The following PTPRQ variants were observed in gnomAD, a reference collection of about 807,000 sequenced individuals.
The protein encoded by PTPRQ is protein tyrosine phosphatase receptor type Q.
PTPRQ carries 199 observed loss-of-function variants against 246.0 expected under a neutral mutation model. The ratio of observed to expected loss-of-function variants is 0.81; its 90% confidence interval spans 0.72 to 0.91. The LOEUF is 0.91. Among genes scored for constraint, PTPRQ ranks in the 40% least tolerant of loss-of-function variants. PTPRQ has a pLI of 0.00. For synonymous variants in PTPRQ, 869 were observed against 853.2 expected (o/e 1.02, Z -0.32); for missense variants, 2,624 against 2,528.4 (o/e 1.04, Z -0.81).
chr12:80,610,607 G>A lies in PTPRQ; in HGVS notation c.4900G>A (p.Val1634Ile). 1 of 1,542,496 alleles carries A rather than the reference G, an allele frequency of 6.5e-7. No homozygotes were observed. Among genetic ancestry groups the A allele is most frequent in the Non-Finnish European group, 8.8e-7 (1 of 1,140,792 alleles). The change falls in exon 28 of 45, where the codon GTT becomes ATT. Residue 1634 changes from valine to isoleucine, a missense_variant. Transcript: ENST00000644991. ...VEGKSSAEMI[V>I]TTLESAPKDP... ...AGGGAAGTCAAGTGCTGAAATGATT[G>A]TTACTACTTTAGAATCAGGTAAGGA...
intron 17 of PTPRQ, chr12:80,512,701 C>T (rs976182962): frequency 2.0e-5 from 3 of 152,220 alleles, no homozygotes; most frequent in African/African-American, 4.8e-5. Context: ...ATTCATTTCT[C>T]ATTCCCTCTG....
Position 80,678,868 on chromosome 12 carries a change from T to C in PTPRQ, c.6863-118T>C, listed in dbSNP as rs549940517. The C allele has an allele frequency of 6.9e-6, 9 of 1,299,752 alleles. 1 individual carries two copies. In the South Asian group the frequency reaches 2.0e-4, roughly 28 times the overall value. 80.5% of individuals were successfully genotyped at this position (1,299,752 alleles called of 1,614,324 possible). On this transcript the variant is annotated intron_variant, in intron 44 of 44. Coordinates refer to ENST00000644991, the MANE Select transcript of PTPRQ (RefSeq NM_001145026.2). The stretch of plus-strand genomic sequence containing the variant: ...AGGTTTTTTTTCTTTAACTTTTCTC[T>C]AATCCAAGTTGGGCTAATAATACCC...
At chr12:80,508,332 G>T (rs1318376133) in intron 16 of PTPRQ, among the ~76,000 whole-genome samples, 1 of 152,020 alleles carries the variant, frequency 6.6e-6, no homozygotes, top group African/African-American at 2.4e-5. Flanking sequence ...CAAATGTGTG[G>T]ACAAATAATT....
chr12:80,589,060 T>C (rs974399266), intron 26 of PTPRQ, among the ~76,000 whole-genome samples: 6 of 152,224 alleles, frequency 3.9e-5, no homozygotes, highest in African/African-American at 1.4e-4. Flanking sequence ...TTCAGGACTT[T>C]AAGTGCTTTT....
At chr12:80,453,550 G>C (rs34942782) in intron 3 of PTPRQ, among the ~76,000 whole-genome samples, 58,299 of 129,110 alleles carry the variant, frequency 0.45, 15,713 homozygotes, top group South Asian at 0.62. Flanking sequence ...TTTTGGTGTG[G>C]ATGTCCTTTC....
At chr12:80,649,487 T>G in intron 36 of PTPRQ, 101 bp from the exon 37 acceptor site, 1 of 1,393,752 alleles carries the variant, frequency 7.2e-7, no homozygotes, top group Non-Finnish European at 9.4e-7. Flanking sequence ...TTTGGGGATG[T>G]CCATTGTTCT....
intron 38 of PTPRQ, among the ~76,000 whole-genome samples, chr12:80,653,634 A>C (rs575723657): frequency 2.0e-5 from 3 of 152,148 alleles, no homozygotes; most frequent in Non-Finnish European, 4.4e-5. Flanking sequence ...TTTCAAATGT[A>C]TATTGGGGGA....
intron 35 of PTPRQ, among the ~76,000 whole-genome samples, chr12:80,640,383 T>G (rs7959956): frequency 0.088 from 13,416 of 152,244 alleles, 811 homozygotes; most frequent in South Asian, 0.19. Flanking sequence ...ACAAATTCTG[T>G]TCATATATTT....
chr12:80,633,198 C>G (rs1348380412), intron 34 of PTPRQ, among the ~76,000 whole-genome samples: 2 of 152,194 alleles, frequency 1.3e-5, no homozygotes, highest in African/African-American at 4.8e-5. Context: ...AGGCCACCTA[C>G]ATCTTTTAAA....
At chr12:80,594,864 C>T (rs1592697671) in intron 26 of PTPRQ, among the ~76,000 whole-genome samples, 2 of 152,166 alleles carry the variant, frequency 1.3e-5, no homozygotes, top group Admixed American at 6.5e-5. Flanking sequence ...TCTTTCTGCT[C>T]TCATTTTCTA....
At chr12:80,596,314 A>C (rs531444061) in intron 26 of PTPRQ, among the ~76,000 whole-genome samples, 31 of 152,124 alleles carry the variant, frequency 2.0e-4, no homozygotes, top group African/African-American at 7.5e-4. Flanking sequence ...AATATTCTAG[A>C]ATTTAAATAA....
rs1198021696 is a variant in PTPRQ at position 80,467,054 on chromosome 12, A to G, written c.911-1656A>G. ...CGTCTGCATAGCAAAAGAAACTACC[A>G]TCAGAGTGAACAGGCAACCTTCAGA... On this transcript the variant is annotated intron_variant, in intron 6 of 44. Transcript: ENST00000644991. Among the ~76,000 whole-genome samples the G allele has an allele frequency of 2.0e-5, 3 of 152,226 alleles. No individual in the cohort carries two copies. The East Asian group carries it at 5.8e-4, about 29-fold the overall frequency.
At chr12:80,653,788 C>T (rs1411026244) in intron 38 of PTPRQ, among the ~76,000 whole-genome samples, 1 of 152,030 alleles carries the variant, frequency 6.6e-6, no homozygotes, top group Non-Finnish European at 1.5e-5. Flanking sequence ...TAGGGAATAA[C>T]TTATGAAGTT....
intron 33 of PTPRQ, among the ~76,000 whole-genome samples, chr12:80,630,872 A>G (rs1397489150): frequency 2.6e-5 from 4 of 151,946 alleles, no homozygotes; most frequent in African/African-American, 9.7e-5. Context: ...GCCTGCCACC[A>G]CGCCCAGCTA....
intron 24 of PTPRQ, chr12:80,546,978 C>T (rs774252631): frequency 2.4e-5 from 6 of 249,266 alleles, no homozygotes; most frequent in Non-Finnish European, 3.7e-5. Context: ...GTGAAAATTA[C>T]CTAATTCTTA....
At position 80,570,979 on chromosome 12, in the gene PTPRQ, T is replaced by C. The variant is rs558356342; in HGVS notation, c.4286-17150T>C. ...GGTACCAGTACCATGCTGTTTTGGT[T>C]ACTGTAGCCTTGTAATATAGTTTGA... On this transcript the variant is annotated intron_variant, in intron 25 of 44. Coordinates refer to ENST00000644991, the MANE Select transcript of PTPRQ (RefSeq NM_001145026.2). 2.0e-5 allele frequency among the ~76,000 whole-genome samples: 3 copies of C among 152,324 alleles called. No homozygotes were observed. The East Asian group carries it at 5.8e-4, about 29-fold the overall frequency.
intron 39 of PTPRQ, among the ~76,000 whole-genome samples, chr12:80,662,349 G>T (rs1447300366): frequency 2.6e-5 from 4 of 151,914 alleles, no homozygotes; most frequent in Non-Finnish European, 5.9e-5. Flanking sequence ...TTAGCATGTA[G>T]TTCCACAATA....
chr12:80,661,547 A>G (rs934633071), intron 39 of PTPRQ, among the ~76,000 whole-genome samples: 1 of 151,648 alleles, frequency 6.6e-6, no homozygotes, highest in African/African-American at 2.4e-5. Flanking sequence ...ATATATGTAC[A>G]CATACACACA....
intron 8 of PTPRQ, among the ~76,000 whole-genome samples, chr12:80,478,964 C>G (rs548915073): frequency 2.6e-4 from 39 of 151,954 alleles, no homozygotes; most frequent in Non-Finnish European, 4.1e-4. Context: ...AGGATATTAT[C>G]CAGGAGAACT....
Sources: gnomAD v4.1 joint callset for allele counts (sites outside exome capture counted in the v4.1 genomes callset) on GRCh38, gnomAD v4.1.1 for gene constraint, MANE v1.5 for transcripts, NCBI Gene and HGNC (gene_info 2026-07-23, HGNC 2026-07-21) for gene names.